Variants in SLC39A12 observed in about 807,000 individuals in gnomAD.
SLC39A12 encodes zinc transporter ZIP12.
Under a neutral mutation model 71.1 loss-of-function variants are expected in SLC39A12, and 63 were observed. The ratio of observed to expected loss-of-function variants is 0.89; its 90% CI spans 0.72 to 1.09. The LOEUF (loss-of-function observed/expected upper bound fraction) is 1.09. Ranked by LOEUF, SLC39A12 falls within the 50% of genes least tolerant of loss-of-function variation. The probability of loss-of-function intolerance (pLI) is 0.00; values close to 1 mark genes in which losing one functional copy is unlikely to be tolerated. For synonymous variants in SLC39A12, 351 were observed against 301.3 expected (o/e 1.16, Z -1.71); for missense variants, 892 against 812.6 (o/e 1.10, Z -1.19).
At chr10:17,998,194 A>G (rs1198984954) in intron 10 of SLC39A12, among the ~76,000 whole-genome samples, 2 of 152,212 alleles carry the variant, frequency 1.3e-5, no homozygotes, top group Non-Finnish European at 2.9e-5. Flanking sequence ...GCAAATGTTT[A>G]TATTTGCCTG....
At chr10:17,954,415 G>A (rs1203011109) in intron 2 of SLC39A12, among the ~76,000 whole-genome samples, 1 of 151,956 alleles carries the variant, frequency 6.6e-6, no homozygotes, top group Non-Finnish European at 1.5e-5. Flanking sequence ...CACCACGGCC[G>A]GCTAATTTTT....
intron 12 of SLC39A12, among the ~76,000 whole-genome samples, chr10:18,036,286 C>T (rs545554827): frequency 3.9e-5 from 6 of 152,250 alleles, no homozygotes; most frequent in East Asian, 1.9e-4. Flanking sequence ...ACTGCTGTGC[C>T]AGTAATCAGT....
At position 17,993,214 on chromosome 10, in the gene SLC39A12, C is replaced by T. The variant is rs1402550558; in HGVS notation, c.1456C>T (p.His486Tyr). ...GLSLVNGHVG[H>Y]SHHLALNSEL... ...GTCATTGGTTAATGGGCACGTGGGTCATTCCCACCATCTTGCACTCAACTC... is the reference window on the plus strand; with the variant it reads ...GTCATTGGTTAATGGGCACGTGGGTTATTCCCACCATCTTGCACTCAACTC... Residue 486 changes from histidine (H) to tyrosine (Y), a missense_variant, in exon 9 of 13, where the codon CAT becomes TAT. Transcript: ENST00000377369. 1.9e-6 allele frequency: 3 copies of T among 1,551,770 alleles called. No individual in the cohort carries two copies. The East Asian group carries it at 7.3e-5, about 38-fold the overall frequency.
In SLC39A12 at chr10:18,029,732, G is replaced by GGA. The variant is rs1232374948; in HGVS notation, c.1948-12972_1948-12971dup. On this transcript the variant is annotated intron_variant, in intron 12 of 12. Coordinates refer to ENST00000377369, the MANE Select transcript of SLC39A12 (RefSeq NM_001145195.2). The stretch of plus-strand genomic sequence containing the variant: ...GACTTAACTGCCCTGGAGGAAGAAG[G>GGA]GATTTTTCTTTCCTTTTTGAAATTC... Among the ~76,000 whole-genome samples, 4 of 151,830 alleles carry GGA rather than the reference G, an allele frequency of 2.6e-5. No homozygotes were observed. The East Asian group carries it at 7.7e-4, about 29-fold the overall frequency.
chr10:17,987,616 C>A lies in SLC39A12; in HGVS notation c.1234C>A (p.Leu412Met). 1.2e-6 allele frequency: 2 copies of A among 1,614,202 alleles called. No homozygotes were observed. Among genetic ancestry groups the A allele is most frequent in the African/African-American group, 1.3e-5 (1 of 75,056 alleles). The change falls in exon 7 of 13, where the codon CTG becomes ATG. Residue 412 changes from leucine to methionine, a missense_variant. Leu to Met is a conservative substitution (Grantham distance 15, BLOSUM62 2). Transcript: ENST00000377369. The stretch of plus-strand genomic sequence containing the variant: ...GTTTGTGGGCTTGGCCGTCGGGACA[C>A]TGTCTGGGGACGCTCTGCTCCACCT... ...QLFVGLAVGT[L>M]SGDALLHLIP...
chr10:18,041,942 T>C (rs773663306), intron 12 of SLC39A12, among the ~76,000 whole-genome samples: 1 of 150,848 alleles, frequency 6.6e-6, no homozygotes, highest in Non-Finnish European at 1.5e-5. Context: ...CAGGAGATAA[T>C]GTCCTTACTG....
At chr10:17,952,998 T>C (rs900784068) in intron 1 of SLC39A12, among the ~76,000 whole-genome samples, 193 bp from the exon 2 acceptor site, 5 of 152,178 alleles carry the variant, frequency 3.3e-5, no homozygotes, top group Non-Finnish European at 4.4e-5. Context: ...AGCAAGCTTT[T>C]TGGCTGCTGT....
chr10:18,011,199 C>T lies in SLC39A12; in HGVS notation c.1947+7841C>T, dbSNP rs557993297. Among the ~76,000 whole-genome samples, 22 of 152,202 alleles carry T rather than the reference C, an allele frequency of 1.4e-4. No homozygotes were observed. The South Asian group carries it at 4.6e-3, about 32-fold the overall frequency. ...CTGCCTCCCAGGTTCAAGCAATTAT[C>T]CTGCCTCAGCCTCTGGAGTAGCTGG... On this transcript the variant is annotated intron_variant, in intron 12 of 12. Transcript: ENST00000377369.
intron 4 of SLC39A12, among the ~76,000 whole-genome samples, chr10:17,967,257 GGCTTGACAAGGTT>G (rs1834850074): frequency 6.6e-6 from 1 of 152,068 alleles, no homozygotes; most frequent in Admixed American, 6.6e-5. Flanking sequence ...TATATGTAGA[GGCTTGACAAGGTT>G]GCTTAGCTGT....
At chr10:18,006,309 A>G (rs1163486974) in intron 12 of SLC39A12, among the ~76,000 whole-genome samples, 1 of 152,242 alleles carries the variant, frequency 6.6e-6, no homozygotes, top group Non-Finnish European at 1.5e-5. Context: ...CTTTCTGGGG[A>G]AAAGTGCCAA....
At chr10:18,027,446 A>G (rs980994394) in intron 12 of SLC39A12, among the ~76,000 whole-genome samples, 1 of 152,250 alleles carries the variant, frequency 6.6e-6, no homozygotes, top group Non-Finnish European at 1.5e-5. Context: ...TCCTACCAGA[A>G]GTATGAGAAG....
intron 12 of SLC39A12, among the ~76,000 whole-genome samples, chr10:18,012,316 C>T (rs1195272195): frequency 3.3e-5 from 5 of 152,096 alleles, no homozygotes. Context: ...TTGTTAAAAG[C>T]AAGAATTGAT....
chr10:17,971,553 T>G (rs2130794751), intron 4 of SLC39A12, among the ~76,000 whole-genome samples: 1 of 152,130 alleles, frequency 6.6e-6, no homozygotes, highest in South Asian at 2.1e-4. Flanking sequence ...TCTTCCTGGT[T>G]TAATCATGGT....
intron 12 of SLC39A12, among the ~76,000 whole-genome samples, chr10:18,038,413 G>C (rs2130907139): frequency 6.6e-6 from 1 of 152,256 alleles, no homozygotes; most frequent in East Asian, 1.9e-4. Flanking sequence ...CACTTTGGGA[G>C]GCCAAGGTGG....
chr10:17,994,058 T>C (rs1835623921), intron 9 of SLC39A12, among the ~76,000 whole-genome samples: 1 of 152,190 alleles, frequency 6.6e-6, no homozygotes, highest in Non-Finnish European at 1.5e-5. Flanking sequence ...AACTCAGAGA[T>C]AGGAACCAGA....
At position 18,042,860 on chromosome 10, in the gene SLC39A12, A is replaced by C. The variant is rs781592681; in HGVS notation, c.*27A>C. The C allele has an allele frequency of 3.8e-6, 6 of 1,584,254 alleles. No individual in the cohort carries two copies. Among genetic ancestry groups the C allele is most frequent in the East Asian group, 2.3e-5 (1 of 43,944 alleles). On this transcript the variant is annotated 3_prime_UTR_variant, in exon 13 of 13. Transcript: ENST00000377369. ...TGAGGATCTTCAACATCTTTCAAAA[A>C]TGCATTTATATAGTCTTACTTTGTT...
intron 12 of SLC39A12, among the ~76,000 whole-genome samples, chr10:18,024,487 G>A (rs753169856): frequency 3.3e-5 from 5 of 152,102 alleles, no homozygotes; most frequent in African/African-American, 7.2e-5. Context: ...GTCCACTTCC[G>A]TCCCTAGTGG....
At position 17,981,317 on chromosome 10, in the gene SLC39A12, C is replaced by T; in HGVS notation, c.930C>T (p.Cys310=). 1 of 1,607,284 alleles carries T rather than the reference C, an allele frequency of 6.2e-7. No individual in the cohort carries two copies. The highest frequency in any genetic ancestry group is 8.5e-7 in the Non-Finnish European group (1 of 1,176,058). The change falls in exon 6 of 13, where the codon TGC becomes TGT. Residue 310 remains cysteine (C), a synonymous_variant. Coordinates refer to ENST00000377369, the MANE Select transcript of SLC39A12 (RefSeq NM_001145195.2). The part of the protein sequence containing the change: ...EDGPVSWDQT[C]FSARQLVEIF... ...GTTATGTTTTCCTCACACAGACCTG[C>T]TTCTCTGCTAGGCAGCTGGTGGAGA...
chr10:17,965,421 A>T, intron 3 of SLC39A12, 62 bp from the exon 4 acceptor site: 1 of 1,475,910 alleles, frequency 6.8e-7, no homozygotes, highest in South Asian at 1.2e-5. Context: ...AATTTCAGAG[A>T]TGTTAGAATC....
Sources: gnomAD v4.1 joint callset for allele counts (sites outside exome capture counted in the v4.1 genomes callset) on GRCh38, gnomAD v4.1.1 for gene constraint, MANE v1.5 for transcripts, NCBI Gene and HGNC (gene_info 2026-07-23, HGNC 2026-07-21) for gene names.